The following SIN3A variants were observed in gnomAD, a reference collection of about 807,000 sequenced individuals.
The protein encoded by SIN3A is SIN3 transcription regulator family member A, also known as paired amphipathic helix protein Sin3a.
SIN3A carries 14 observed loss-of-function variants against 146.1 expected under a neutral mutation model. The observed-to-expected ratio is 0.10, with a 90% CI of 0.06 to 0.15. SIN3A has a LOEUF of 0.15. Among genes scored for constraint, SIN3A ranks in the 10% least tolerant of loss-of-function variants. The pLI, the probability that SIN3A is intolerant of heterozygous loss-of-function variation, is 1.00. For synonymous variants in SIN3A, 572 were observed against 572.0 expected, an observed-to-expected ratio of 1.00 and a Z score of 0.00; for missense variants, 1,028 against 1,576.0, an observed-to-expected ratio of 0.65 and a Z score of 5.89.
intron 2 of SIN3A, among the ~76,000 whole-genome samples, chr15:75,427,365 A>C (rs760977832): frequency 2.0e-5 from 3 of 147,384 alleles, no homozygotes; most frequent in Non-Finnish European, 4.5e-5. Context: ...AGAGCGAGAC[A>C]CCATCTCAAA....
chr15:75,427,836 C>A (rs1044304429), intron 2 of SIN3A, among the ~76,000 whole-genome samples: 2 of 148,158 alleles, frequency 1.3e-5, no homozygotes, highest in African/African-American at 5.0e-5. Context: ...CCAGGCATGG[C>A]AGCAGGTGCA....
chr15:75,435,260 T>C lies in SIN3A; in HGVS notation c.-33-4852A>G, dbSNP rs374488535. On this transcript the variant is annotated intron_variant, in intron 1 of 20. Coordinates refer to ENST00000394947, the MANE Select transcript of SIN3A (RefSeq NM_001145358.2). Reference sequence around the variant, plus strand: ...GTATCCTACACATCTGCTGAGTATATTTATTGCAGCAAAATATGAAAATCT... The same window carrying C: ...GTATCCTACACATCTGCTGAGTATACTTATTGCAGCAAAATATGAAAATCT... Among the ~76,000 whole-genome samples the C allele has an allele frequency of 5.3e-5, 8 of 152,182 alleles. No homozygotes were observed. The East Asian group carries it at 1.3e-3, about 26-fold the overall frequency.
At position 75,427,598 on chromosome 15, in the gene SIN3A, T is replaced by C. The variant is rs115267304; in HGVS notation, c.189+2589A>G. ...TCGCTTCAACCTAGAAGGCAGAGGC[T>C]GCACTGAGCCAAGACTGAACCATTG... On this transcript the variant is annotated intron_variant, in intron 2 of 20. Coordinates refer to ENST00000394947, the MANE Select transcript of SIN3A (RefSeq NM_001145358.2). Among the ~76,000 whole-genome samples the C allele has an allele frequency of 6.0e-3, 919 of 152,016 alleles. 14 individuals carry two copies. Among genetic ancestry groups the C allele is most frequent in the African/African-American group, 0.021 (851 of 41,418 alleles).
At chr15:75,375,633 T>C (rs2072840636) in intron 20 of SIN3A, 32 bp downstream of exon 20, 2 of 1,558,032 alleles carry the variant, frequency 1.3e-6, no homozygotes, top group Non-Finnish European at 1.8e-6. Flanking sequence ...GGGTGGGAGA[T>C]GTGTACAGAA....
Position 75,375,808 on chromosome 15 carries a change from C to G in SIN3A, c.3448G>C (p.Gly1150Arg). The G allele has an allele frequency of 6.2e-7, 1 of 1,614,154 alleles. No homozygotes were observed. The highest frequency in any genetic ancestry group is 8.5e-7 in the Non-Finnish European group (1 of 1,180,024). ...REQQEKEGKE[G>R]NSKKTMENVD... ...TTCTCCATGGTCTTCTTGCTGTTTC[C>G]TTCCTTCCCTTCCTTTTCCTGCTGC... Residue 1150 changes from glycine to arginine, a missense_variant, in exon 20 of 21, where the codon GGA becomes CGA. Physicochemically the swap from Gly to Arg is moderately radical, Grantham distance 125. Transcript: ENST00000394947.
chr15:75,445,006 G>T (rs1434371552), intron 1 of SIN3A, among the ~76,000 whole-genome samples: 1 of 151,240 alleles, frequency 6.6e-6, no homozygotes, highest in African/African-American at 2.4e-5. Context: ...GAGGCAGGTG[G>T]ATTGCTTGAG....
chr15:75,399,095 G>A (rs1011493512), intron 12 of SIN3A, among the ~76,000 whole-genome samples: 24 of 151,882 alleles, frequency 1.6e-4, no homozygotes, highest in African/African-American at 4.6e-4. Flanking sequence ...CCAGCCACTC[G>A]GTGGCGGGTA....
At chr15:75,395,443 G>A (rs2073284419) in intron 13 of SIN3A, among the ~76,000 whole-genome samples, 1 of 152,256 alleles carries the variant, frequency 6.6e-6, no homozygotes, top group South Asian at 2.1e-4. Flanking sequence ...GAAGATGAGG[G>A]AGAAGAAACC....
intron 2 of SIN3A, among the ~76,000 whole-genome samples, chr15:75,428,562 G>A (rs150297422): frequency 1.7e-3 from 266 of 152,016 alleles, no homozygotes; most frequent in African/African-American, 6.1e-3. Context: ...CGCTGGGTGC[G>A]GAAGCATATT....
At chr15:75,451,338 C>T (rs868159201) in intron 1 of SIN3A, 85 bp downstream of exon 1, 1 of 116,388 alleles carries the variant, frequency 8.6e-6, no homozygotes, top group Admixed American at 7.8e-5. Flanking sequence ...GGAGGTCAGC[C>T]CCCCCCCCCC....
At chr15:75,428,686 C>T (rs752707722) in intron 2 of SIN3A, among the ~76,000 whole-genome samples, 5 of 151,958 alleles carry the variant, frequency 3.3e-5, no homozygotes, top group Non-Finnish European at 7.4e-5. Flanking sequence ...TTAGGAGAGA[C>T]GGGGCTTGCT....
At chr15:75,382,555 C>A (rs113082196) in intron 17 of SIN3A, among the ~76,000 whole-genome samples, 26,414 of 152,110 alleles carry the variant, frequency 0.17, 3,079 homozygotes, top group Non-Finnish European at 0.26. Flanking sequence ...TAAATGTCCA[C>A]CAATACAGGC....
intron 9 of SIN3A, among the ~76,000 whole-genome samples, chr15:75,404,617 G>A (rs2141467964): frequency 6.6e-6 from 1 of 152,064 alleles, no homozygotes; most frequent in South Asian, 2.1e-4. Flanking sequence ...AAAATTAGCT[G>A]GGTGTGGTGG....
Position 75,412,767 on chromosome 15 carries a change from C to T in SIN3A, c.752G>A (p.Ser251Asn), listed in dbSNP as rs2141497992. The change falls in exon 5 of 21, where the codon AGC (serine) becomes AAC (asparagine). Residue 251 changes from serine (S) to asparagine (N), a missense_variant. Around this residue, in one of 9 missense-constraint regions of SIN3A, gnomAD observed 112 missense variants for 135.7 expected, o/e 0.83. Transcript: ENST00000394947. ...CAATATTTTCCAAGTGCTCACCTTG[C>T]TGACTTTGGCAGGTGGGGGCTGAGG... ...PAPQPPPAKV[S>N]KPSQLQAHTP... The T allele has an allele frequency of 6.3e-7, 1 of 1,575,076 alleles. No individual in the cohort carries two copies. Among genetic ancestry groups the T allele is most frequent in the Non-Finnish European group, 8.6e-7 (1 of 1,160,382 alleles).
At chr15:75,423,270 C>A (rs912160957) in intron 2 of SIN3A, among the ~76,000 whole-genome samples, 1 of 151,138 alleles carries the variant, frequency 6.6e-6, no homozygotes, top group African/African-American at 2.4e-5. Context: ...AGAATGAGAC[C>A]GTCTCTAAAA....
intron 17 of SIN3A, among the ~76,000 whole-genome samples, chr15:75,383,711 G>A (rs888231503): frequency 4.6e-5 from 7 of 152,038 alleles, no homozygotes; most frequent in African/African-American, 1.4e-4. Context: ...TGTATTTTTA[G>A]TAGAGACGGG....
Position 75,415,800 on chromosome 15 carries a change from G to A in SIN3A, c.367-1489C>T, listed in dbSNP as rs192469160. On this transcript the variant is annotated intron_variant, in intron 3 of 20. Transcript: ENST00000394947. The stretch of plus-strand genomic sequence containing the variant: ...CAGGAGGCGGAGGTTGCGGTGAGTC[G>A]AGATCATGCCATTGCACACCAGCCT... 484 of 166,726 alleles carry A rather than the reference G, an allele frequency of 2.9e-3. 6 individuals carry two copies. The highest frequency in any genetic ancestry group is 0.011 in the African/African-American group (433 of 39,196). The allele number at this position is 166,726 out of a possible 1,614,324, so 10.3% of individuals were successfully genotyped here.
At chr15:75,376,098 T>C in intron 19 of SIN3A, 1 of 581,816 alleles carries the variant, frequency 1.7e-6, no homozygotes, top group Admixed American at 3.0e-5. Flanking sequence ...TTAGCAGATG[T>C]AGCCAGTTAA....
At position 75,392,264 on chromosome 15, in the gene SIN3A, A is replaced by G. The variant is rs1227153176; in HGVS notation, c.2829T>C (p.Ile943=). The G allele has an allele frequency of 1.2e-6, 2 of 1,613,566 alleles. No homozygotes were observed. The highest frequency in any genetic ancestry group is 2.7e-5 in the African/African-American group (2 of 74,936). ...CACTAGGTTCTTTGAGACGTAGCTGAATGGCAGGGCTGTCACTCTTGTCTC... is the reference window on the plus strand; with the variant it reads ...CACTAGGTTCTTTGAGACGTAGCTGGATGGCAGGGCTGTCACTCTTGTCTC... ...IKRDKSDSPA[I]QLRLKEPMDV... The change falls in exon 15 of 21, where the codon ATT becomes ATC. Residue 943 remains isoleucine, a synonymous_variant. Coordinates refer to ENST00000394947, the MANE Select transcript of SIN3A (RefSeq NM_001145358.2).
Sources: allele counts gnomAD v4.1 joint callset (sites outside exome capture counted in the v4.1 genomes callset), GRCh38; gene constraint gnomAD v4.1.1; regional missense constraint gnomAD v4.1.1; transcripts MANE v1.5; gene names NCBI Gene and HGNC (gene_info 2026-07-23, HGNC 2026-07-21).